Variants in STK32B observed in about 807,000 individuals in gnomAD.
The protein encoded by STK32B is serine/threonine kinase 32B, also known as serine/threonine-protein kinase 32B.
A neutral mutation model predicts 52.6 loss-of-function variants in STK32B; 43 were observed. That is an observed-to-expected ratio of 0.82 (90% confidence interval 0.64 to 1.05). The LOEUF is 1.05. Among genes scored for constraint, STK32B ranks in the 50% least tolerant of loss-of-function variants. The pLI, the probability that STK32B is intolerant of heterozygous loss-of-function variation, is 0.00. For missense variants in STK32B, 621 were observed against 534.6 expected, an observed-to-expected ratio of 1.16 and a Z score of -1.59; for synonymous variants, 238 against 204.3, an observed-to-expected ratio of 1.17 and a Z score of -1.41.
chr4:5,371,875 A>T (rs1284326494), intron 4 of STK32B, among the ~76,000 whole-genome samples: 2 of 152,170 alleles, frequency 1.3e-5, no homozygotes, highest in African/African-American at 4.8e-5. Context: ...CCCAATTCAG[A>T]CAAAAGTACT....
Position 5,459,405 on chromosome 4 carries a change from G to A in STK32B, c.784-698G>A, listed in dbSNP as rs866299419. ...CCCCCTGCTTTCAGGGAGGCAATGA[G>A]CCCAGGGCACCCAGCAGCTCGCCCA... is the stretch of plus-strand genomic sequence containing the variant. On this transcript the variant is annotated intron_variant, in intron 8 of 11. Coordinates refer to ENST00000282908, the MANE Select transcript of STK32B (RefSeq NM_018401.3). Among the ~76,000 whole-genome samples, 20 of 152,118 alleles carry A rather than the reference G, an allele frequency of 1.3e-4. No individual in the cohort carries two copies. In the Middle Eastern group the frequency reaches 0.01, roughly 78 times the overall value.
At chr4:5,137,890 A>G (rs1228577956) in intron 1 of STK32B, among the ~76,000 whole-genome samples, 1 of 152,078 alleles carries the variant, frequency 6.6e-6, no homozygotes, top group Non-Finnish European at 1.5e-5. Flanking sequence ...TCTTGCAGGC[A>G]AGGGAAACAG....
At chr4:5,423,500 T>G (rs1712815320) in intron 6 of STK32B, among the ~76,000 whole-genome samples, 1 of 152,202 alleles carries the variant, frequency 6.6e-6, no homozygotes, top group African/African-American at 2.4e-5. Flanking sequence ...GAAAGGTAAC[T>G]ACTCACAACC....
chr4:5,420,336 C>A (rs2109076135), intron 6 of STK32B, among the ~76,000 whole-genome samples: 1 of 152,200 alleles, frequency 6.6e-6, no homozygotes, highest in East Asian at 1.9e-4. Flanking sequence ...TTGTTGACGA[C>A]CTTTCTGAGA....
chr4:5,439,772 A>T (rs999795854), intron 6 of STK32B, among the ~76,000 whole-genome samples: 2 of 151,926 alleles, frequency 1.3e-5, no homozygotes, highest in Admixed American at 1.3e-4. Context: ...TCTTGAATTG[A>T]TTTTTGTATA....
intron 2 of STK32B, among the ~76,000 whole-genome samples, chr4:5,157,460 G>A (rs58449691): frequency 0.01 from 1,541 of 152,322 alleles, 29 homozygotes; most frequent in African/African-American, 0.035. Context: ...GCAAGGGTGG[G>A]ACTGCTTCAG....
intron 3 of STK32B, among the ~76,000 whole-genome samples, chr4:5,259,647 C>A (rs943193713): frequency 1.3e-5 from 2 of 152,174 alleles, no homozygotes; most frequent in African/African-American, 4.8e-5. Context: ...GTGTTATCTT[C>A]ACTATAATTT....
intron 4 of STK32B, among the ~76,000 whole-genome samples, chr4:5,392,353 G>A (rs977090251): frequency 6.6e-6 from 1 of 152,172 alleles, no homozygotes; most frequent in African/African-American, 2.4e-5. Flanking sequence ...TGGAATTCAG[G>A]AGGCGGAGGT....
intron 3 of STK32B, among the ~76,000 whole-genome samples, chr4:5,293,763 C>G (rs576043142): frequency 6.6e-6 from 1 of 152,192 alleles, no homozygotes; most frequent in South Asian, 2.1e-4. Flanking sequence ...ATGATAGTTT[C>G]TTTTGCTGTA....
chr4:5,427,130 T>C (rs917874587), intron 6 of STK32B: 1 of 152,228 alleles, frequency 6.6e-6, no homozygotes, highest in Non-Finnish European at 1.5e-5. Context: ...TTTGGTCACA[T>C]AGCATTTCTA....
intron 1 of STK32B, among the ~76,000 whole-genome samples, chr4:5,071,581 T>C (rs1711779173): frequency 6.6e-6 from 1 of 152,226 alleles, no homozygotes; most frequent in African/African-American, 2.4e-5. Flanking sequence ...TCATTGCATG[T>C]CATATTTAAT....
At chr4:5,096,732 G>A (rs891647705) in intron 1 of STK32B, among the ~76,000 whole-genome samples, 6 of 152,194 alleles carry the variant, frequency 3.9e-5, no homozygotes, top group African/African-American at 9.7e-5. Context: ...GGAGGGCGGC[G>A]TTTACATTTG....
In STK32B at chr4:5,386,029, TACCCAGAGCCCCC is replaced by T. The variant is rs1736232158; in HGVS notation, c.435-12172_435-12160del. Among the ~76,000 whole-genome samples, 1 of 47,996 alleles carries T rather than the reference TACCCAGAGCCCCC, an allele frequency of 2.1e-5. No individual in the cohort carries two copies. The highest frequency in any genetic ancestry group is 8.1e-4 in the South Asian group (1 of 1,228). 31.5% of individuals were successfully genotyped at this position (47,996 alleles called of 152,430 possible). On this transcript the variant is annotated intron_variant, in intron 4 of 11. Transcript: ENST00000282908. This position sits in a 1 kb window ranked among gnomAD's most constrained non-coding sequence, Gnocchi z 4.5. ...CACCCACGGCTCCACTCACAGCCCC[TACCCAGAGCCCCC>T]ACCCACACCCACAGCCCCACCCATA...
Position 5,456,840 on chromosome 4 carries a change from G to A in STK32B, c.700G>A (p.Asp234Asn), listed in dbSNP as rs1178245103. The A allele has an allele frequency of 1.1e-5, 17 of 1,596,968 alleles. No individual in the cohort carries two copies. The highest frequency in any genetic ancestry group is 2.7e-5 in the African/African-American group (2 of 74,722). ...CGAAATCCACTCGGTCACGCCCATCGATGAAATCCTCAACATGTTCAAGGT... is the reference window on the plus strand; with the variant it reads ...CGAAATCCACTCGGTCACGCCCATCAATGAAATCCTCAACATGTTCAAGGT... ...PYEIHSVTPI[D>N]EILNMFKVER... is the part of the protein sequence containing the mutation. Residue 234 changes from aspartate (D) to asparagine (N), a missense_variant, in exon 8 of 12, where the codon GAT (aspartate) becomes AAT (asparagine). Coordinates refer to ENST00000282908, the MANE Select transcript of STK32B (RefSeq NM_018401.3).
intron 4 of STK32B, among the ~76,000 whole-genome samples, chr4:5,367,034 C>T (rs1196816509): frequency 1.3e-5 from 2 of 152,070 alleles, no homozygotes; most frequent in Non-Finnish European, 2.9e-5. Context: ...CTCACATCTG[C>T]CAACTCCAGT....
At chr4:5,316,705 A>ATAT (rs1491114453) in intron 3 of STK32B, among the ~76,000 whole-genome samples, 2 of 228 alleles carry the variant, frequency 8.8e-3, no homozygotes, top group Non-Finnish European at 0.01. Flanking sequence ...TCATATTATA[A>ATAT]TATATAATAT....
intron 1 of STK32B, among the ~76,000 whole-genome samples, chr4:5,117,998 T>A (rs1714828706): frequency 1.3e-5 from 2 of 152,216 alleles, no homozygotes; most frequent in Admixed American, 1.3e-4. Flanking sequence ...TCCTCAGGGA[T>A]GTCGGCCTGT....
In STK32B at chr4:5,428,134, G is replaced by T. The variant is rs971031519; in HGVS notation, c.562+11200G>T. Among the ~76,000 whole-genome samples, 11 of 152,064 alleles carry T rather than the reference G, an allele frequency of 7.2e-5. No individual in the cohort carries two copies. The East Asian group carries it at 2.1e-3, about 29-fold the overall frequency. ...AGTTAAAAACATTTCTAGGCCAGGCGTGATGGCTTATACCTGTAATCCCAG... is the reference window on the plus strand; with the variant it reads ...AGTTAAAAACATTTCTAGGCCAGGCTTGATGGCTTATACCTGTAATCCCAG... On this transcript the variant is annotated intron_variant, in intron 6 of 11. Coordinates refer to ENST00000282908, the MANE Select transcript of STK32B (RefSeq NM_018401.3).
At chr4:5,447,443 C>T (rs1715561130) in intron 7 of STK32B, 1 of 151,894 alleles carries the variant, frequency 6.6e-6, no homozygotes, top group Non-Finnish European at 1.5e-5. Context: ...GCCTGGGAAA[C>T]ATAGGGAAAT....
Sources: gnomAD v4.1 joint callset for allele counts (sites outside exome capture counted in the v4.1 genomes callset) on GRCh38, gnomAD v4.1.1 for gene constraint, Gnocchi (gnomAD v3.1) non-coding constraint, MANE v1.5 for transcripts, NCBI Gene and HGNC (gene_info 2026-07-23, HGNC 2026-07-21) for gene names.